The following HMCN2 variants were observed in gnomAD, a reference collection of about 807,000 sequenced individuals.
The protein encoded by HMCN2 is hemicentin 2.
In HMCN2, 325 loss-of-function variants were observed where a neutral mutation model predicts 377.5. The observed-to-expected ratio is 0.86, with a 90% CI of 0.79 to 0.94. The LOEUF is 0.94. Ranked by LOEUF, HMCN2 falls within the 40% of genes least tolerant of loss-of-function variation. HMCN2 has a pLI of 0.00. For synonymous variants in HMCN2, 2,007 were observed against 2,046.8 expected, an observed-to-expected ratio of 0.98 and a Z score of 0.53; for missense variants, 4,543 against 4,725.3, an observed-to-expected ratio of 0.96 and a Z score of 1.13.
intron 22 of HMCN2, among the ~76,000 whole-genome samples, chr9:130,332,759 G>A (rs1312882311): frequency 4.6e-5 from 7 of 152,320 alleles, no homozygotes; most frequent in South Asian, 4.2e-4. Flanking sequence ...AGTGGTTTCC[G>A]GGAGGGGTTC....
In HMCN2 at chr9:130,266,140, AGCGCCCCC is replaced by A. The variant is rs1554918897; in HGVS notation, c.259+6_259+13del. 2.2e-6 allele frequency: 1 copy of A among 463,586 alleles called. No individual in the cohort carries two copies. Among genetic ancestry groups the A allele is most frequent in the Non-Finnish European group, 4.4e-6 (1 of 226,278 alleles). The allele number at this position is 463,586 out of a possible 1,614,324, so 28.7% of individuals were successfully genotyped here. On this transcript the variant is annotated splice_donor_5th_base_variant and intron_variant, in intron 1 of 97. Transcript: ENST00000683500. ...GCTGGTGCCCTTCCACGACCCAGGT[AGCGCCCCC>A]GCACCCCCGCCCGCCGGGCGCCCCC... is the stretch of plus-strand genomic sequence containing the variant.
intron 1 of HMCN2, among the ~76,000 whole-genome samples, chr9:130,280,995 C>T (rs1835086635): frequency 6.6e-6 from 1 of 151,620 alleles, no homozygotes; most frequent in African/African-American, 2.4e-5. Flanking sequence ...CCCAGCTACT[C>T]AGGAGGCTGA....
chr9:130,318,428 G>A (rs887659084), intron 15 of HMCN2, among the ~76,000 whole-genome samples: 3 of 152,216 alleles, frequency 2.0e-5, no homozygotes, highest in Non-Finnish European at 4.4e-5. Context: ...CCGAGGGAAG[G>A]ACCTGGACCC....
At chr9:130,400,760 T>C (rs1165358973) in intron 76 of HMCN2, 23 bp from the exon 77 acceptor site, 4 of 1,274,236 alleles carry the variant, frequency 3.1e-6, no homozygotes, top group Non-Finnish European at 4.1e-6. Context: ...CGGCAGGGCC[T>C]CAAGCCTTGT....
intron 54 of HMCN2, among the ~76,000 whole-genome samples, chr9:130,380,897 G>C (rs1841679852): frequency 6.6e-6 from 1 of 151,630 alleles, no homozygotes; most frequent in Non-Finnish European, 1.5e-5. Context: ...CCCTTAACCT[G>C]GCCACTGACC....
In HMCN2 at chr9:130,393,684, A is replaced by C. The variant is rs1345738644; in HGVS notation, c.10235-58A>C. 2.5e-6 allele frequency: 3 copies of C among 1,199,278 alleles called. No homozygotes were observed. The highest frequency in any genetic ancestry group is 3.2e-6 in the Non-Finnish European group (3 of 945,566). 74.3% of individuals were successfully genotyped at this position (1,199,278 alleles called of 1,614,324 possible). On this transcript the variant is annotated intron_variant, in intron 67 of 97. Transcript: ENST00000683500. The surrounding 1 kb of genome is among the most constrained non-coding windows in gnomAD (Gnocchi z 5.2). ...GGAAGAGGTGATGTCTAAGCTGAGT[A>C]CTGGAGATGAGAGTCCTGGAATAAA...
In HMCN2 at chr9:130,360,026, C is replaced by T. The variant is rs1246934870; in HGVS notation, c.5774-402C>T. ...GGCTGGTCCATGTTCTCTAATGCCC[C>T]CTAGGGGACGGGGTCTTCTGGTAGG... is the stretch of plus-strand genomic sequence containing the variant. On this transcript the variant is annotated intron_variant, in intron 37 of 97. Transcript: ENST00000683500. This position sits in a 1 kb window ranked among gnomAD's most constrained non-coding sequence, Gnocchi z 4.7. Among the ~76,000 whole-genome samples, 2 of 152,072 alleles carry T rather than the reference C, an allele frequency of 1.3e-5. No homozygotes were observed. Among genetic ancestry groups the T allele is most frequent in the African/African-American group, 4.8e-5 (2 of 41,400 alleles).
In HMCN2 at chr9:130,395,319, C is replaced by T. The variant is rs1426361851; in HGVS notation, c.10883C>T (p.Thr3628Met). Reference protein sequence around the residue: ...SVEAEPAPKITWHRDGIVLQE... With the variant: ...SVEAEPAPKIMWHRDGIVLQE... The stretch of plus-strand genomic sequence containing the variant: ...GAGGCAGAGCCAGCGCCCAAGATCA[C>T]GTGGCACCGAGACGGCATTGTGCTG... The change falls in exon 71 of 98, where the codon ACG (threonine) becomes ATG (methionine). Residue 3628 changes from threonine to methionine, a missense_variant. By Grantham distance (81) the Thr-to-Met change is moderately conservative. Coordinates refer to ENST00000683500, the MANE Select transcript of HMCN2 (RefSeq NM_001291815.2). 10 of 1,289,168 alleles carry T rather than the reference C, an allele frequency of 7.8e-6. No homozygotes were observed. The highest frequency in any genetic ancestry group is 4.6e-5 in the Admixed American group (2 of 43,442). 79.9% of individuals were successfully genotyped at this position (1,289,168 alleles called of 1,614,324 possible).
Position 130,369,539 on chromosome 9 carries a change from T to C in HMCN2, c.6788-31T>C. The C allele has an allele frequency of 1.0e-6, 1 of 984,006 alleles. No homozygotes were observed. The allele number at this position is 984,006 out of a possible 1,614,324, so 61.0% of individuals were successfully genotyped here. ...TGGTGCCTGGTGGCCCCAGCAGCTT[T>C]CTCTGATGGGCTTTCTCCCCACCCC... is the stretch of plus-strand genomic sequence containing the variant. On this transcript the variant is annotated intron_variant, in intron 44 of 97. Coordinates refer to ENST00000683500, the MANE Select transcript of HMCN2 (RefSeq NM_001291815.2). The surrounding 1 kb of genome is among the most constrained non-coding windows in gnomAD (Gnocchi z 4.5).
At chr9:130,322,686 T>G (rs878929668) in intron 19 of HMCN2, among the ~76,000 whole-genome samples, 56,499 of 152,098 alleles carry the variant, frequency 0.37, 11,515 homozygotes, top group Non-Finnish European at 0.47. Context: ...TTCCTTAGGA[T>G]AAACCCATTA....
At chr9:130,410,861 G>T (rs1843370664) in intron 85 of HMCN2, among the ~76,000 whole-genome samples, 1 of 152,094 alleles carries the variant, frequency 6.6e-6, no homozygotes, top group Admixed American at 6.5e-5. Context: ...TGGCAACCTG[G>T]GCCTGGGGGA....
intron 22 of HMCN2, among the ~76,000 whole-genome samples, chr9:130,333,526 C>A (rs1012692762): frequency 1.4e-4 from 21 of 152,230 alleles, no homozygotes; most frequent in African/African-American, 5.1e-4. Flanking sequence ...AGGAAATTCC[C>A]CTCAAACCTC....
intron 8 of HMCN2, among the ~76,000 whole-genome samples, chr9:130,300,700 A>G (rs553365726): frequency 6.6e-6 from 1 of 152,364 alleles, no homozygotes; most frequent in South Asian, 2.1e-4. Flanking sequence ...ACATCATTGC[A>G]GGAACAGGTC....
intron 22 of HMCN2, among the ~76,000 whole-genome samples, chr9:130,334,549 GTTT>G (rs1192246439): frequency 0.13 from 13,350 of 98,944 alleles, 659 homozygotes; most frequent in Middle Eastern, 0.21. Context: ...ACTTTTGGAA[GTTT>G]TTTTTTTTTT....
chr9:130,290,947 G>A (rs1554929882), intron 4 of HMCN2, among the ~76,000 whole-genome samples: 1 of 151,640 alleles, frequency 6.6e-6, no homozygotes, highest in East Asian at 1.9e-4. Context: ...AGATCACATG[G>A]TAAGCAGAGC....
rs138301818 is a variant in HMCN2 at position 130,292,151 on chromosome 9, C to T, written c.613-2704C>T. ...GAGTGTGTCTTCTGTTGTATCACAC[C>T]GGGAGGCAAATAGTGTCTGAGCATC... On this transcript the variant is annotated intron_variant, in intron 4 of 97. Coordinates refer to ENST00000683500, the MANE Select transcript of HMCN2 (RefSeq NM_001291815.2). Among the ~76,000 whole-genome samples the T allele has an allele frequency of 4.6e-3, 707 of 152,104 alleles. 2 individuals carry two copies. Among genetic ancestry groups the T allele is most frequent in the Non-Finnish European group, 5.9e-3 (399 of 68,008 alleles).
At chr9:130,278,080 A>C (rs2131250670) in intron 1 of HMCN2, among the ~76,000 whole-genome samples, 1 of 151,824 alleles carries the variant, frequency 6.6e-6, no homozygotes, top group South Asian at 2.1e-4. Flanking sequence ...CATCATCATC[A>C]TCACCACCAC....
Position 130,347,916 on chromosome 9 carries a change from C to A in HMCN2, c.4024+556C>A, listed in dbSNP as rs1839471643. ...TGGCAGTGCAGAGCCCCAGAGCCCA[C>A]CTCCGGGTTAAAACTGTTACCCCTG... On this transcript the variant is annotated intron_variant, in intron 26 of 97. Transcript: ENST00000683500. The surrounding 1 kb of genome is among the most constrained non-coding windows in gnomAD (Gnocchi z 5.1). 1 of 798,418 alleles carries A rather than the reference C, an allele frequency of 1.3e-6. No individual in the cohort carries two copies. 49.5% of individuals were successfully genotyped at this position (798,418 alleles called of 1,614,324 possible).
chr9:130,282,461 C>G lies in HMCN2; in HGVS notation c.260-2142C>G, dbSNP rs151176091. 1.1e-3 allele frequency among the ~76,000 whole-genome samples: 163 copies of G among 152,310 alleles called. 1 individual carries two copies. Among genetic ancestry groups the G allele is most frequent in the African/African-American group, 3.5e-3 (147 of 41,554 alleles). On this transcript the variant is annotated intron_variant, in intron 1 of 97. Coordinates refer to ENST00000683500, the MANE Select transcript of HMCN2 (RefSeq NM_001291815.2). ...GGTTCCAGTCAGATCTGGCCAAGCT[C>G]CAAGGCTGAGGACTGAGCTGCTGCA...
Sources: gnomAD v4.1 joint callset for allele counts (sites outside exome capture counted in the v4.1 genomes callset) on GRCh38, gnomAD v4.1.1 for gene constraint, Gnocchi (gnomAD v3.1) non-coding constraint, MANE v1.5 for transcripts, NCBI Gene and HGNC (gene_info 2026-07-23, HGNC 2026-07-21) for gene names.